Variants in PTPRD observed in about 807,000 individuals in gnomAD.
PTPRD encodes the protein protein tyrosine phosphatase receptor type D, also known as receptor-type tyrosine-protein phosphatase delta.
PTPRD carries 34 observed loss-of-function variants against 214.5 expected under a neutral mutation model. The observed-to-expected ratio is 0.16, with a 90% CI of 0.12 to 0.21. The LOEUF (loss-of-function observed/expected upper bound fraction) is 0.21, where lower values mean the gene tolerates loss of function less well. PTPRD is among the 10% of genes least tolerant of loss of function. The pLI is 1.00. For missense variants in PTPRD, 2,545 were observed against 2,398.7 expected (o/e 1.06, Z -1.27); for synonymous variants, 1,128 against 845.7 (o/e 1.33, Z -5.79).
At chr9:9,446,911 A>G (rs1377134662) in intron 8 of PTPRD, among the ~76,000 whole-genome samples, 2 of 152,202 alleles carry the variant, frequency 1.3e-5, no homozygotes, top group Non-Finnish European at 2.9e-5. Context: ...AGCATATGAA[A>G]AAAAGCTCAA....
intron 3 of PTPRD, among the ~76,000 whole-genome samples, chr9:10,204,881 G>A (rs1800358576): frequency 6.6e-6 from 1 of 152,202 alleles, no homozygotes; most frequent in South Asian, 2.1e-4. Context: ...AACAAGTCTA[G>A]GACTTGTCTC....
At chr9:8,436,513 G>T in intron 35 of PTPRD, 79 bp downstream of exon 35, 1 of 1,107,120 alleles carries the variant, frequency 9.0e-7, no homozygotes, top group Non-Finnish European at 1.4e-6. Context: ...CACTGATGAA[G>T]TTAATTTTCA....
intron 11 of PTPRD, among the ~76,000 whole-genome samples, chr9:8,892,160 A>G (rs2098545022): frequency 6.6e-6 from 1 of 152,156 alleles, no homozygotes; most frequent in African/African-American, 2.4e-5. Flanking sequence ...AGAGTTCAGT[A>G]TGACTAACTC....
intron 10 of PTPRD, among the ~76,000 whole-genome samples, chr9:9,105,555 G>C (rs1235541811): frequency 1.3e-5 from 2 of 152,128 alleles, no homozygotes; most frequent in African/African-American, 4.8e-5. Context: ...CTTCATTCCA[G>C]GTTACTCCAT....
chr9:8,704,841 T>G (rs111778223), intron 12 of PTPRD, among the ~76,000 whole-genome samples: 20,175 of 151,698 alleles, frequency 0.13, 1,422 homozygotes, highest in East Asian at 0.22. Context: ...GAGAATCATG[T>G]GAACCCGGGA....
At chr9:8,343,210 G>A (rs1854205169) in intron 39 of PTPRD, among the ~76,000 whole-genome samples, 2 of 152,138 alleles carry the variant, frequency 1.3e-5, no homozygotes, top group South Asian at 4.2e-4. Context: ...ATCAAAGCTA[G>A]CTTGCATACA....
At chr9:10,206,786 G>A (rs912961431) in intron 3 of PTPRD, among the ~76,000 whole-genome samples, 1 of 152,144 alleles carries the variant, frequency 6.6e-6, no homozygotes, top group Non-Finnish European at 1.5e-5. Context: ...TGGACACACA[G>A]ACTTATAAAT....
chr9:9,432,249 C>G (rs2083484096), intron 8 of PTPRD, among the ~76,000 whole-genome samples: 1 of 151,868 alleles, frequency 6.6e-6, no homozygotes, highest in Non-Finnish European at 1.5e-5. Context: ...AGTGGGGAGA[C>G]TTCCAGAATC....
intron 11 of PTPRD, among the ~76,000 whole-genome samples, chr9:8,942,346 A>T (rs1588527766): frequency 6.6e-6 from 1 of 152,222 alleles, no homozygotes; most frequent in African/African-American, 2.4e-5. Context: ...ACTTTTGGCC[A>T]GTTCCACTGC....
intron 34 of PTPRD, among the ~76,000 whole-genome samples, chr9:8,445,294 A>G (rs1036519242): frequency 1.3e-5 from 2 of 152,094 alleles, no homozygotes; most frequent in Non-Finnish European, 1.5e-5. Flanking sequence ...CTCTTAAATG[A>G]TTAGGTAGCT....
intron 39 of PTPRD, among the ~76,000 whole-genome samples, chr9:8,353,965 T>TATATA: frequency 2.3e-5 from 1 of 42,954 alleles, no homozygotes; most frequent in Admixed American, 1.9e-4. Context: ...TATATATATG[T>TATATA]TTTTTTTTTT....
intron 3 of PTPRD, among the ~76,000 whole-genome samples, chr9:10,323,247 CCCCT>C (rs2096585289): frequency 2.5e-5 from 1 of 39,554 alleles, no homozygotes; most frequent in Non-Finnish European, 4.7e-5. Flanking sequence ...CCCCTCCCCT[CCCCT>C]TCCCTTCTCT....
chr9:9,979,431 C>G (rs746546696), intron 4 of PTPRD, among the ~76,000 whole-genome samples: 3 of 151,700 alleles, frequency 2.0e-5, no homozygotes, highest in Non-Finnish European at 4.4e-5. Context: ...TGGTAGTTAT[C>G]TGTAAGGAGG....
chr9:8,619,405 T>A (rs949744312), intron 14 of PTPRD, among the ~76,000 whole-genome samples: 11 of 151,686 alleles, frequency 7.3e-5, no homozygotes, highest in Non-Finnish European at 1.6e-4. Context: ...ACTACTGATA[T>A]CAATTTTTTT....
intron 11 of PTPRD, among the ~76,000 whole-genome samples, chr9:8,954,752 C>T (rs1285975169): frequency 6.6e-6 from 1 of 151,786 alleles, no homozygotes; most frequent in Non-Finnish European, 1.5e-5. Flanking sequence ...GATACATGAT[C>T]ATGGTTTTCT....
chr9:10,089,334 A>C (rs558912067), intron 3 of PTPRD, among the ~76,000 whole-genome samples: 43 of 151,774 alleles, frequency 2.8e-4, no homozygotes, highest in Non-Finnish European at 6.1e-4. Flanking sequence ...ATTTATGATA[A>C]TACAAGTTAG....
chr9:9,899,976 G>A (rs2076004230), intron 5 of PTPRD, among the ~76,000 whole-genome samples: 1 of 149,844 alleles, frequency 6.7e-6, no homozygotes. Context: ...AAAAGTAGAA[G>A]TAATAGAAGC....
chr9:10,258,901 T>C (rs974153660), intron 3 of PTPRD, among the ~76,000 whole-genome samples: 13 of 152,276 alleles, frequency 8.5e-5, no homozygotes, highest in African/African-American at 3.1e-4. Context: ...AGAATGGATT[T>C]GTGCAAATAA....
chr9:8,935,458 G>A (rs960824226), intron 11 of PTPRD, among the ~76,000 whole-genome samples: 2 of 152,040 alleles, frequency 1.3e-5, no homozygotes, highest in Non-Finnish European at 2.9e-5. Flanking sequence ...TTTAAAGTAA[G>A]TGCTTTGGGG....
Sources: gnomAD v4.1 joint callset for allele counts (sites outside exome capture counted in the v4.1 genomes callset) on GRCh38, gnomAD v4.1.1 for gene constraint, MANE v1.5 for transcripts, NCBI Gene and HGNC (gene_info 2026-07-23, HGNC 2026-07-21) for gene names.